IL16: variants seen among roughly 807,000 people sequenced by gnomAD.
The protein encoded by IL16 is interleukin 16.
In IL16, 67 loss-of-function variants were observed where a neutral mutation model predicts 110.1. The observed-to-expected ratio is 0.61, with a 90% confidence interval of 0.50 to 0.75. IL16 has a LOEUF of 0.75. Among genes scored for constraint, IL16 ranks in the 30% least tolerant of loss-of-function variants. The pLI is 0.00. For synonymous variants in IL16, 689 were observed against 662.9 expected (o/e 1.04, Z -0.61); for missense variants, 1,545 against 1,655.0 (o/e 0.93, Z 1.15).
Position 81,303,674 on chromosome 15 carries a change from T to C in IL16, c.3420+24T>C, listed in dbSNP as rs377015522. 9 of 1,468,588 alleles carry C rather than the reference T, an allele frequency of 6.1e-6. No homozygotes were observed. Among genetic ancestry groups the C allele is most frequent in the East Asian group, 2.3e-5 (1 of 44,212 alleles). The allele number at this position is 1,468,588 out of a possible 1,614,324, so 91.0% of individuals were successfully genotyped here. ...CGGTGAGTGGCCAAGTGAAGGGGCA[T>C]GTCACAGCCAGAGGCAATGGTTCTG... is the stretch of plus-strand genomic sequence containing the variant. On this transcript the variant is annotated intron_variant, in intron 16 of 18. Transcript: ENST00000683961. This position sits in a 1 kb window ranked among gnomAD's most constrained non-coding sequence, Gnocchi z 4.1.
At position 81,215,746 on chromosome 15, in the gene IL16, A is replaced by G. The variant is rs558991998; in HGVS notation, c.-101-9553A>G. On this transcript the variant is annotated intron_variant, in intron 1 of 18. Transcript: ENST00000683961. ...CCTGGCCCGGGAACCCATTTGTCTCACCCCTTGCCACACTCTGAGGGTGGG... is the reference window on the plus strand; with the variant it reads ...CCTGGCCCGGGAACCCATTTGTCTCGCCCCTTGCCACACTCTGAGGGTGGG... 5.3e-5 allele frequency among the ~76,000 whole-genome samples: 8 copies of G among 152,112 alleles called. No homozygotes were observed. The South Asian group carries it at 1.0e-3, about 20-fold the overall frequency.
intron 2 of IL16, among the ~76,000 whole-genome samples, chr15:81,232,135 T>A (rs28867413): frequency 0.21 from 31,025 of 148,562 alleles, 4,695 homozygotes; most frequent in African/African-American, 0.41. Context: ...TTGGAATTGC[T>A]TTGGCTTTAT....
At chr15:81,247,385 C>A (rs766749267) in intron 2 of IL16, among the ~76,000 whole-genome samples, 1 of 152,026 alleles carries the variant, frequency 6.6e-6, no homozygotes, top group Non-Finnish European at 1.5e-5. Flanking sequence ...GTTCTAAATG[C>A]CTTTAAATTT....
intron 5 of IL16, among the ~76,000 whole-genome samples, chr15:81,271,398 G>A (rs1300844073): frequency 5.3e-5 from 8 of 152,106 alleles, no homozygotes; most frequent in African/African-American, 2.4e-5. Context: ...GCTTGAGTCC[G>A]GGAATTTGAG....
intron 8 of IL16, among the ~76,000 whole-genome samples, chr15:81,280,807 G>A (rs1046496980): frequency 2.0e-5 from 3 of 152,202 alleles, no homozygotes; most frequent in Non-Finnish European, 2.9e-5. Context: ...AGGACTAGGG[G>A]CAGACAAGTC....
At chr15:81,206,241 C>T (rs1896013713) in intron 1 of IL16, among the ~76,000 whole-genome samples, 1 of 145,978 alleles carries the variant, frequency 6.9e-6, no homozygotes, top group Non-Finnish European at 1.5e-5. Flanking sequence ...TTAAACAGAC[C>T]TGGATGGTAT....
At chr15:81,243,163 A>ATATATATATAT (rs1555416963) in intron 2 of IL16, among the ~76,000 whole-genome samples, 2 of 15,032 alleles carry the variant, frequency 1.3e-4, no homozygotes, top group African/African-American at 4.5e-4. Flanking sequence ...ATATATATAT[A>ATATATATATAT]TTTTTTTTTT....
intron 1 of IL16, among the ~76,000 whole-genome samples, chr15:81,221,969 C>G (rs1252063908): frequency 1.3e-5 from 2 of 152,230 alleles, no homozygotes; most frequent in East Asian, 3.8e-4. Flanking sequence ...ATGCAGCCAA[C>G]TATTCCACCA....
chr15:81,228,149 G>A (rs545455213), intron 2 of IL16, among the ~76,000 whole-genome samples: 19 of 152,188 alleles, frequency 1.2e-4, no homozygotes, highest in African/African-American at 3.4e-4. Flanking sequence ...TGGGGTCTCC[G>A]GGCACAGGTG....
chr15:81,305,219 T>G (rs1025187089), intron 16 of IL16, among the ~76,000 whole-genome samples: 1 of 152,238 alleles, frequency 6.6e-6, no homozygotes, highest in Non-Finnish European at 1.5e-5. Flanking sequence ...CATGCAGATT[T>G]GCATTGTAGA....
At chr15:81,246,926 C>A (rs965434876) in intron 2 of IL16, among the ~76,000 whole-genome samples, 1 of 151,848 alleles carries the variant, frequency 6.6e-6, no homozygotes, top group Non-Finnish European at 1.5e-5. Context: ...AGTTTATTTT[C>A]CTCAGAACTT....
In IL16 at chr15:81,288,850, C is replaced by T. The variant is rs77077315; in HGVS notation, c.1333-1603C>T. Among the ~76,000 whole-genome samples the T allele has an allele frequency of 3.2e-4, 26 of 81,402 alleles. No individual in the cohort carries two copies. The South Asian group carries it at 6.3e-3, about 20-fold the overall frequency. 53.4% of individuals were successfully genotyped at this position (81,402 alleles called of 152,430 possible). The stretch of plus-strand genomic sequence containing the variant: ...GTGTATGTGTGTGTGTGTGTGTGTG[C>T]GTGTGTGTGTATCACATGCTGTTTA... On this transcript the variant is annotated intron_variant, in intron 10 of 18. Coordinates refer to ENST00000683961, the MANE Select transcript of IL16 (RefSeq NM_172217.5).
chr15:81,295,416 T>A (rs17875496), intron 12 of IL16: 280,887 of 1,286,060 alleles, frequency 0.22, 32,124 homozygotes, highest in African/African-American at 0.35. Context: ...CTGTTCTAAG[T>A]TGTAAAGCTG....
At chr15:81,211,486 A>G (rs945126200) in intron 1 of IL16, among the ~76,000 whole-genome samples, 1 of 152,222 alleles carries the variant, frequency 6.6e-6, no homozygotes, top group African/African-American at 2.4e-5. Context: ...TCCTGACCTC[A>G]GGTGATCCAC....
chr15:81,269,684 G>T, intron 5 of IL16, 36 bp downstream of exon 5: 1 of 1,453,984 alleles, frequency 6.9e-7, no homozygotes, highest in Non-Finnish European at 9.7e-7. Flanking sequence ...AAGTCCTGGG[G>T]GGCAGCACCA....
chr15:81,234,918 C>G (rs570600472), intron 2 of IL16, among the ~76,000 whole-genome samples: 38 of 152,306 alleles, frequency 2.5e-4, no homozygotes, highest in African/African-American at 9.1e-4. Flanking sequence ...TTGGACTCCT[C>G]AGAGTTTTCC....
Position 81,273,187 on chromosome 15 carries a change from A to T in IL16, c.773A>T (p.Asp258Val), listed in dbSNP as rs1335785478. 2.5e-6 allele frequency: 4 copies of T among 1,612,154 alleles called. No individual in the cohort carries two copies. In the African/African-American group the frequency reaches 5.3e-5, roughly 22 times the overall value. The change falls in exon 6 of 19, where the codon GAT becomes GTT. Residue 258 changes from aspartate to valine, a missense_variant. By Grantham distance (152) the Asp-to-Val change is radical. Around this residue, in one of 3 missense-constraint regions of IL16, gnomAD observed 1,185 missense variants for 1,238.8 expected, o/e 0.96. Transcript: ENST00000683961. ...TTTGCAGGGGGAGCAGCAGCAGCCG[A>T]TGGAAGGCTACAGGAAGGTAGGCTT... is the stretch of plus-strand genomic sequence containing the variant. ...TIFAGGAAAA[D>V]GRLQEGDEIL... is the part of the protein sequence containing the mutation.
At chr15:81,249,391 G>A (rs567043279) in intron 2 of IL16, among the ~76,000 whole-genome samples, 13 of 151,604 alleles carry the variant, frequency 8.6e-5, no homozygotes, top group African/African-American at 2.7e-4. Context: ...GAGTATATTG[G>A]TGGCAAACTC....
At chr15:81,296,689 GA>G (rs1900000875) in intron 12 of IL16, among the ~76,000 whole-genome samples, 1 of 152,184 alleles carries the variant, frequency 6.6e-6, no homozygotes, top group Admixed American at 6.5e-5. Flanking sequence ...TCAACAGTAT[GA>G]GCCCATGACC....
Sources: allele counts gnomAD v4.1 joint callset (sites outside exome capture counted in the v4.1 genomes callset), GRCh38; gene constraint gnomAD v4.1.1; regional missense constraint gnomAD v4.1.1; non-coding constraint Gnocchi (gnomAD v3.1); transcripts MANE v1.5; gene names NCBI Gene and HGNC (gene_info 2026-07-23, HGNC 2026-07-21).